ADAM17: variants seen among roughly 807,000 people sequenced by gnomAD.
The protein encoded by ADAM17 is ADAM metallopeptidase domain 17, also known as disintegrin and metalloproteinase domain-containing protein 17.
A neutral mutation model predicts 96.7 loss-of-function variants in ADAM17; 39 were observed. The ratio of observed to expected loss-of-function variants is 0.40; its 90% CI spans 0.31 to 0.53. The LOEUF (loss-of-function observed/expected upper bound fraction) is 0.53. Among genes scored for constraint, ADAM17 ranks in the 20% least tolerant of loss-of-function variants. The probability of loss-of-function intolerance (pLI) is 0.44; values close to 1 mark genes in which losing one functional copy is unlikely to be tolerated. For missense variants in ADAM17, 777 were observed against 1,013.2 expected (o/e 0.77, Z 3.17); for synonymous variants, 344 against 359.2 (o/e 0.96, Z 0.48).
At position 9,521,199 on chromosome 2, in the gene ADAM17, C is replaced by T; in HGVS notation, c.957+4G>A. On this transcript the variant is annotated splice_donor_region_variant and intron_variant, in intron 8 of 18. Transcript: ENST00000310823. ...AGCACCATATCCAGGATTCTAAGACCTACCTCTAGCAACATCTTCACATCC... is the reference window on the plus strand; with the variant it reads ...AGCACCATATCCAGGATTCTAAGACTTACCTCTAGCAACATCTTCACATCC... 4 of 1,581,392 alleles carry T rather than the reference C, an allele frequency of 2.5e-6. No individual in the cohort carries two copies. Among genetic ancestry groups the T allele is most frequent in the Non-Finnish European group, 3.5e-6 (4 of 1,150,844 alleles).
chr2:9,499,444 C>T (rs1025757642), intron 13 of ADAM17, among the ~76,000 whole-genome samples: 6 of 151,904 alleles, frequency 3.9e-5, no homozygotes, highest in Non-Finnish European at 7.4e-5. Context: ...CTCTGTTGCC[C>T]AGGCTGGAGT....
intron 1 of ADAM17, among the ~76,000 whole-genome samples, chr2:9,550,840 C>T (rs1389344077): frequency 6.9e-6 from 1 of 144,142 alleles, no homozygotes; most frequent in Non-Finnish European, 1.5e-5. Context: ...GGTGGATCAC[C>T]AGAGGTCAGG....
Position 9,536,829 on chromosome 2 carries a change from C to T in ADAM17, c.231-1G>A. The T allele has an allele frequency of 6.2e-7, 1 of 1,613,022 alleles. No homozygotes were observed. Among genetic ancestry groups the T allele is most frequent in the Non-Finnish European group, 8.5e-7 (1 of 1,179,498 alleles). Reference sequence around the variant, plus strand: ...TGATGTCAGGTATAATTTAAAATGCCTGAAGAAAAATGCATTCATATTTTA... The same window carrying T: ...TGATGTCAGGTATAATTTAAAATGCTTGAAGAAAAATGCATTCATATTTTA... On this transcript the variant is annotated splice_acceptor_variant, in intron 2 of 18. Transcript: ENST00000310823. LOFTEE classifies it high-confidence loss of function.
intron 2 of ADAM17, among the ~76,000 whole-genome samples, chr2:9,538,406 G>A (rs977655906): frequency 2.6e-5 from 4 of 152,034 alleles, no homozygotes; most frequent in African/African-American, 7.2e-5. Context: ...GTTTGCTTGT[G>A]GTTTTTTAAT....
rs1036790547 is a variant in ADAM17, at chr2:9,510,143, T to C, written c.1192-12A>G. On this transcript the variant is annotated splice_polypyrimidine_tract_variant and intron_variant, in intron 10 of 18. Transcript: ENST00000310823. ...ACCAGGTCAGCTTCCTTAAGGATCATGCAAAGAAAACATTATTTCTCAATA... is the reference window on the plus strand; with the variant it reads ...ACCAGGTCAGCTTCCTTAAGGATCACGCAAAGAAAACATTATTTCTCAATA... The C allele has an allele frequency of 3.1e-6, 5 of 1,613,942 alleles. No individual in the cohort carries two copies. The highest frequency in any genetic ancestry group is 1.1e-5 in the South Asian group (1 of 91,070).
At chr2:9,528,133 G>T (rs1205655447) in intron 4 of ADAM17, among the ~76,000 whole-genome samples, 179 bp from the exon 5 acceptor site, 1 of 151,666 alleles carries the variant, frequency 6.6e-6, no homozygotes, top group Non-Finnish European at 1.5e-5. Context: ...TTCTATGCAG[G>T]AAAGTAAATA....
chr2:9,519,477 C>G (rs1415830049), intron 8 of ADAM17, among the ~76,000 whole-genome samples: 4 of 152,130 alleles, frequency 2.6e-5, no homozygotes, highest in African/African-American at 9.7e-5. Flanking sequence ...GATCTGTGCT[C>G]AATTCAACCT....
At chr2:9,533,682 T>C (rs1280362170) in intron 4 of ADAM17, among the ~76,000 whole-genome samples, 1 of 152,252 alleles carries the variant, frequency 6.6e-6, no homozygotes, top group Non-Finnish European at 1.5e-5. Context: ...TTCTCCTTTG[T>C]AGCAGGTCAG....
At chr2:9,509,766 G>T (rs1663628575) in intron 11 of ADAM17, among the ~76,000 whole-genome samples, 1 of 152,074 alleles carries the variant, frequency 6.6e-6, no homozygotes. Context: ...ACACCATTAA[G>T]CTTGACAACA....
chr2:9,511,327 G>GT (rs1663730783), intron 10 of ADAM17, among the ~76,000 whole-genome samples: 1 of 152,132 alleles, frequency 6.6e-6, no homozygotes, highest in African/African-American at 2.4e-5. Context: ...GCGCACGCCT[G>GT]TAATCCCGGC....
intron 1 of ADAM17, among the ~76,000 whole-genome samples, chr2:9,550,903 C>CA (rs33972062): frequency 0.03 from 2,919 of 97,816 alleles, 200 homozygotes; most frequent in Admixed American, 0.18. Context: ...ACTAAAAATA[C>CA]AAAAAAAAAA....
chr2:9,542,616 T>C (rs1309395018), intron 2 of ADAM17, among the ~76,000 whole-genome samples: 1 of 150,562 alleles, frequency 6.6e-6, no homozygotes, highest in East Asian at 1.9e-4. Context: ...GTTAGAATTT[T>C]CTAAACATCG....
In ADAM17 at chr2:9,488,639, G is replaced by T; in HGVS notation, c.*1538C>A. The T allele has an allele frequency of 1.0e-5, 2 of 199,136 alleles. No individual in the cohort carries two copies. Among genetic ancestry groups the T allele is most frequent in the East Asian group, 1.2e-4 (1 of 8,138 alleles). 12.3% of individuals were successfully genotyped at this position (199,136 alleles called of 1,614,324 possible). On this transcript the variant is annotated 3_prime_UTR_variant, in exon 19 of 19. Coordinates refer to ENST00000310823, the MANE Select transcript of ADAM17 (RefSeq NM_003183.6). Reference sequence around the variant, plus strand: ...TTTTTCTTACATTCTTTTGAGAACTGTTTCACTCATACATACACCCACACA... The same window carrying T: ...TTTTTCTTACATTCTTTTGAGAACTTTTTCACTCATACATACACCCACACA...
Position 9,497,243 on chromosome 2 carries a change from T to C in ADAM17, c.1654A>G (p.Ser552Gly), listed in dbSNP as rs751286148. The C allele has an allele frequency of 6.2e-7, 1 of 1,614,098 alleles. No individual in the cohort carries two copies. The highest frequency in any genetic ancestry group is 2.2e-5 in the East Asian group (1 of 44,892). The change falls in exon 14 of 19, where the codon AGC (serine) becomes GGC (glycine). Residue 552 changes from serine (S) to glycine (G), a missense_variant. Ser to Gly is a moderately conservative substitution (Grantham distance 56). This residue lies in a region of ADAM17 where 446 missense variants were observed against 664.7 expected (regional missense o/e 0.67). Coordinates refer to ENST00000310823, the MANE Select transcript of ADAM17 (RefSeq NM_003183.6). ...CKGVSYCTGN[S>G]SECPPPGNAE... ...TTTCCTGGAGGCGGGCACTCACTGC[T>C]ATTACCTGGAAGCAAACACCAGTCA...
intron 10 of ADAM17, among the ~76,000 whole-genome samples, chr2:9,511,209 G>A (rs1281733946): frequency 2.6e-5 from 4 of 152,212 alleles, no homozygotes; most frequent in Middle Eastern, 3.2e-3. Context: ...AGCACTTTGG[G>A]AGGCCAAGGT....
chr2:9,541,323 G>A (rs1335619937), intron 2 of ADAM17, among the ~76,000 whole-genome samples: 2 of 152,168 alleles, frequency 1.3e-5, no homozygotes, highest in South Asian at 2.1e-4. Context: ...ATCACATTGG[G>A]AGCCTGAGGC....
intron 15 of ADAM17, 87 bp downstream of exon 15, chr2:9,494,539 CTTGTGTTTTGA>C: frequency 7.1e-7 from 1 of 1,416,086 alleles, no homozygotes; most frequent in Non-Finnish European, 9.8e-7. Context: ...TGTAGCCCCA[CTTGTGTTTTGA>C]TTTGTTTTCA....
intron 8 of ADAM17, among the ~76,000 whole-genome samples, chr2:9,520,179 GTGTTGTTCTAA>G: frequency 6.6e-6 from 1 of 152,216 alleles, no homozygotes; most frequent in South Asian, 2.1e-4. Context: ...GGATAAATAA[GTGTTGTTCTAA>G]GCTGCTCCAC....
rs1572922003 is a variant in ADAM17 at position 9,514,559 on chromosome 2, ATATATAT to A, written c.1191+3335_1191+3341del. Among the ~76,000 whole-genome samples the A allele has an allele frequency of 3.1e-5, 4 of 127,962 alleles. No individual in the cohort carries two copies. The East Asian group carries it at 1.0e-3, about 33-fold the overall frequency. 83.9% of individuals were successfully genotyped at this position (127,962 alleles called of 152,430 possible). Reference sequence around the variant, plus strand: ...TATATATATATATATATATATATATATATATATATAAATAAAAAGAGACAGGGTCTCA... The same window carrying A: ...TATATATATATATATATATATATATAATAAATAAAAAGAGACAGGGTCTCA... On this transcript the variant is annotated intron_variant, in intron 10 of 18. Coordinates refer to ENST00000310823, the MANE Select transcript of ADAM17 (RefSeq NM_003183.6).
Sources: allele counts gnomAD v4.1 joint callset (sites outside exome capture counted in the v4.1 genomes callset), GRCh38; gene constraint gnomAD v4.1.1; regional missense constraint gnomAD v4.1.1; transcripts MANE v1.5; gene names NCBI Gene and HGNC (gene_info 2026-07-23, HGNC 2026-07-21).